The following PLIN5 variants were observed in gnomAD, a reference collection of about 807,000 sequenced individuals.
The protein encoded by PLIN5 is perilipin 5, also known as perilipin-5.
A neutral mutation model predicts 32.8 loss-of-function variants in PLIN5; 34 were observed. The ratio of observed to expected loss-of-function variants is 1.04; its 90% CI spans 0.79 to 1.38. The LOEUF (loss-of-function observed/expected upper bound fraction) is 1.38. PLIN5 is among the 40% of genes most tolerant of loss of function. PLIN5 has a pLI of 0.00. For missense variants in PLIN5, 712 were observed against 660.5 expected (o/e 1.08, Z -0.85); for synonymous variants, 309 against 292.9 (o/e 1.05, Z -0.56).
chr19:4,523,916 C>A lies in PLIN5; in HGVS notation c.1004G>T (p.Cys335Phe). ...ALQTAFADAR[C>F]FRDVPAAALA... ...CGCGGCCGCTGGCACGTCCCTGAAGCAGCGGGCATCAGCGAAGGCGGTCTG... is the reference window on the plus strand; with the variant it reads ...CGCGGCCGCTGGCACGTCCCTGAAGAAGCGGGCATCAGCGAAGGCGGTCTG... Residue 335 changes from cysteine to phenylalanine, a missense_variant, in exon 8 of 8, where the codon TGC becomes TTC. Coordinates refer to ENST00000381848, the MANE Select transcript of PLIN5 (RefSeq NM_001013706.3). This position sits in a 1 kb window ranked among gnomAD's most constrained non-coding sequence, Gnocchi z 5.0. 2.6e-6 allele frequency: 4 copies of A among 1,526,962 alleles called. No homozygotes were observed. Among genetic ancestry groups the A allele is most frequent in the Non-Finnish European group, 3.5e-6 (4 of 1,145,910 alleles). The allele number at this position is 1,526,962 out of a possible 1,614,324, so 94.6% of individuals were successfully genotyped here. A position where few individuals can be genotyped will look rare whatever the true frequency, so the allele number is the denominator to read the frequency against.
intron 5 of PLIN5, among the ~76,000 whole-genome samples, chr19:4,527,299 C>G (rs1976816309): frequency 6.6e-6 from 1 of 151,778 alleles, no homozygotes; most frequent in African/African-American, 2.4e-5. Context: ...GTCTCGATCT[C>G]CTGACCTTGT....
chr19:4,534,334 T>G lies in PLIN5; in HGVS notation c.-21-239A>C, dbSNP rs1976922601. 5.7e-6 allele frequency: 3 copies of G among 523,850 alleles called. No individual in the cohort carries two copies. The East Asian group carries it at 9.2e-5, about 16-fold the overall frequency. The allele number at this position is 523,850 out of a possible 1,614,324, so 32.5% of individuals were successfully genotyped here. On this transcript the variant is annotated intron_variant, in intron 1 of 7. Coordinates refer to ENST00000381848, the MANE Select transcript of PLIN5 (RefSeq NM_001013706.3). ...GTGACTCGAAGCATGGTCTCTGAGG[T>G]GAGAAAGACCTGGGTTCAAATGCTA...
intron 1 of PLIN5, among the ~76,000 whole-genome samples, chr19:4,534,899 C>T (rs1212421018): frequency 6.6e-6 from 1 of 152,230 alleles, no homozygotes; most frequent in Non-Finnish European, 1.5e-5. Flanking sequence ...GGTCACGCAG[C>T]CAGCTAGAGT....
chr19:4,527,856 GA>G (rs1020582321), intron 5 of PLIN5, among the ~76,000 whole-genome samples: 5 of 147,916 alleles, frequency 3.4e-5, no homozygotes, highest in African/African-American at 4.9e-5. Context: ...CAAAAAAAAA[GA>G]AAAAAAAATT....
chr19:4,526,216 T>A (rs1005261473), intron 5 of PLIN5, among the ~76,000 whole-genome samples: 26 of 152,164 alleles, frequency 1.7e-4, no homozygotes, highest in East Asian at 5.8e-4. Context: ...GGTCCCAAAC[T>A]GCTTAACCAT....
In PLIN5 at chr19:4,529,169, C is replaced by A; in HGVS notation, c.424G>T (p.Glu142Ter). 6.2e-7 allele frequency: 1 copy of A among 1,613,266 alleles called. No individual in the cohort carries two copies. The highest frequency in any genetic ancestry group is 8.5e-7 in the Non-Finnish European group (1 of 1,179,976). The change falls in exon 5 of 8, where the codon GAG (glutamate) becomes TAG (stop). Residue 142 changes from glutamate to a stop codon, truncating the protein, a stop_gained. Transcript: ENST00000381848. LOFTEE classifies it high-confidence loss of function. ...LARRGRRWSV[E>*]LKRSVSHAVD... ...GCATGGCTCACGGAGCGCTTCAGCT[C>A]CACGCTCCAGCGCCGGCCCCTCCGG...
rs1387040283 is a variant in PLIN5 at position 4,534,077 on chromosome 19, T to C, written c.-3A>G. Reference sequence around the variant, plus strand: ...TGAGCCGCCTCTTCTTCAGACATCGTGCTGCAAACAGGGTCACCCTGCGGG... The same window carrying C: ...TGAGCCGCCTCTTCTTCAGACATCGCGCTGCAAACAGGGTCACCCTGCGGG... On this transcript the variant is annotated 5_prime_UTR_variant, in exon 2 of 8. Transcript: ENST00000381848. The C allele has an allele frequency of 1.2e-6, 2 of 1,612,246 alleles. No homozygotes were observed. Among genetic ancestry groups the C allele is most frequent in the Non-Finnish European group, 1.7e-6 (2 of 1,179,264 alleles).
chr19:4,529,272 C>T lies in PLIN5; in HGVS notation c.340-19G>A, dbSNP rs772565118. ...TCACCACCTGGAAGGAAGGGCCCCC[C>T]CACTCCAGGCACCGTGGGACTCCAG... On this transcript the variant is annotated intron_variant, in intron 4 of 7. Coordinates refer to ENST00000381848, the MANE Select transcript of PLIN5 (RefSeq NM_001013706.3). 1.1e-5 allele frequency: 17 copies of T among 1,582,872 alleles called. 4 individuals carry two copies. The highest frequency in any genetic ancestry group is 4.6e-5 in the East Asian group (2 of 43,448).
In PLIN5 at chr19:4,531,659, G is replaced by C; in HGVS notation, c.224C>G (p.Ala75Gly). 1 of 1,537,142 alleles carries C rather than the reference G, an allele frequency of 6.5e-7. No homozygotes were observed. The highest frequency in any genetic ancestry group is 8.7e-7 in the Non-Finnish European group (1 of 1,144,882). Residue 75 changes from alanine to glycine, a missense_variant, in exon 3 of 8, where the codon GCC (alanine) becomes GGC (glycine). Coordinates refer to ENST00000381848, the MANE Select transcript of PLIN5 (RefSeq NM_001013706.3). ...CTGCAGGTGCTCGAGCAGCGGCTGGGCGTGGTCCAGGGCACGGGTGGTCAG... is the reference window on the plus strand; with the variant it reads ...CTGCAGGTGCTCGAGCAGCGGCTGGCCGTGGTCCAGGGCACGGGTGGTCAG... ...CGLTTRALDH[A>G]QPLLEHLQPQ...
At chr19:4,529,487 T>C (rs959975446) in intron 4 of PLIN5, 1 of 550,446 alleles carries the variant, frequency 1.8e-6, no homozygotes, top group Non-Finnish European at 3.2e-6. Flanking sequence ...TATATACACA[T>C]ATACACACAT....
intron 3 of PLIN5, among the ~76,000 whole-genome samples, chr19:4,530,548 G>A (rs1976871087): frequency 6.6e-6 from 1 of 152,142 alleles, no homozygotes; most frequent in Non-Finnish European, 1.5e-5. Flanking sequence ...GAGGGGGCCT[G>A]GAGAGACAAA....
Position 4,523,896 on chromosome 19 carries a change from C to T in PLIN5, c.1024G>A (p.Ala342Thr), listed in dbSNP as rs906493399. 2 of 1,516,324 alleles carry T rather than the reference C, an allele frequency of 1.3e-6. No homozygotes were observed. Among genetic ancestry groups the T allele is most frequent in the Non-Finnish European group, 1.8e-6 (2 of 1,142,556 alleles). The allele number at this position is 1,516,324 out of a possible 1,614,324, so 93.9% of individuals were successfully genotyped here. Residue 342 changes from alanine (A) to threonine (T), a missense_variant, in exon 8 of 8, where the codon GCC (alanine) becomes ACC (threonine). Ala to Thr is a moderately conservative substitution (Grantham distance 58). Coordinates refer to ENST00000381848, the MANE Select transcript of PLIN5 (RefSeq NM_001013706.3). This position sits in a 1 kb window ranked among gnomAD's most constrained non-coding sequence, Gnocchi z 5.0. Reference sequence around the variant, plus strand: ...CGACCCCGGCCCTCGGCCAGCGCGGCCGCTGGCACGTCCCTGAAGCAGCGG... The same window carrying T: ...CGACCCCGGCCCTCGGCCAGCGCGGTCGCTGGCACGTCCCTGAAGCAGCGG... ...DARCFRDVPA[A>T]ALAEGRGRVA... is the part of the protein sequence containing the mutation.
At chr19:4,530,020 T>C (rs912745272) in intron 3 of PLIN5, among the ~76,000 whole-genome samples, 154 bp from the exon 4 acceptor site, 1 of 150,476 alleles carries the variant, frequency 6.6e-6, no homozygotes, top group Admixed American at 6.6e-5. Flanking sequence ...AACGGAATGA[T>C]GGAGACGAGA....
Position 4,529,173 on chromosome 19 carries a change from G to T in PLIN5, c.420C>A (p.Ser140Arg). ...GGCTCACGGAGCGCTTCAGCTCCAC[G>T]CTCCAGCGCCGGCCCCTCCGGGCCA... The part of the protein sequence containing the change: ...VDLARRGRRW[S>R]VELKRSVSHA... Residue 140 changes from serine to arginine, a missense_variant, in exon 5 of 8, where the codon AGC (serine) becomes AGA (arginine). Ser to Arg is a moderately radical substitution (Grantham distance 110). Coordinates refer to ENST00000381848, the MANE Select transcript of PLIN5 (RefSeq NM_001013706.3). The T allele has an allele frequency of 6.2e-7, 1 of 1,613,126 alleles. No individual in the cohort carries two copies.
chr19:4,523,570 G>C lies in PLIN5; in HGVS notation c.1350C>G (p.Ser450Arg). 6.3e-7 allele frequency: 1 copy of C among 1,597,812 alleles called. No homozygotes were observed. The highest frequency in any genetic ancestry group is 8.5e-7 in the Non-Finnish European group (1 of 1,171,358). The change falls in exon 8 of 8, where the codon AGC becomes AGG. Residue 450 changes from serine to arginine, a missense_variant. Ser to Arg is a moderately radical substitution (Grantham distance 110, BLOSUM62 -1). Transcript: ENST00000381848. The surrounding 1 kb of genome is among the most constrained non-coding windows in gnomAD (Gnocchi z 5.0). ...DICEQEPETP[S>R]CPVKHTLMPE... ...GCATCAGGGTGTGCTTGACCGGGCA[G>C]CTGGGGGTCTCGGGTTCCTGCTCGC...
At chr19:4,529,042 C>T in intron 5 of PLIN5, 31 bp downstream of exon 5, 9 of 1,602,686 alleles carry the variant, frequency 5.6e-6, no homozygotes, top group Non-Finnish European at 6.8e-6. Flanking sequence ...GGGCAGGACT[C>T]AGGGGTTAGG....
chr19:4,526,376 C>T (rs1976803572), intron 5 of PLIN5, among the ~76,000 whole-genome samples: 1 of 152,142 alleles, frequency 6.6e-6, no homozygotes, highest in African/African-American at 2.4e-5. Flanking sequence ...CGTGCACCAC[C>T]ACACCCGATT....
intron 3 of PLIN5, among the ~76,000 whole-genome samples, chr19:4,531,288 C>T (rs946302292): frequency 2.6e-5 from 4 of 152,044 alleles, no homozygotes; most frequent in Admixed American, 2.6e-4. Flanking sequence ...CATGAGCCAC[C>T]ACACCCAGCC....
In PLIN5 at chr19:4,523,398, G is replaced by A; in HGVS notation, c.*130C>T. 2 of 1,084,832 alleles carry A rather than the reference G, an allele frequency of 1.8e-6. No homozygotes were observed. The highest frequency in any genetic ancestry group is 1.6e-5 in the African/African-American group (1 of 61,214). 67.2% of individuals were successfully genotyped at this position (1,084,832 alleles called of 1,614,324 possible). Reference sequence around the variant, plus strand: ...GTCCAATACCAAAAAGGTGGTCAGAGATCCGGAGTTGGGCCTGATTCCAAA... The same window carrying A: ...GTCCAATACCAAAAAGGTGGTCAGAAATCCGGAGTTGGGCCTGATTCCAAA... On this transcript the variant is annotated 3_prime_UTR_variant, in exon 8 of 8. Transcript: ENST00000381848. This position sits in a 1 kb window ranked among gnomAD's most constrained non-coding sequence, Gnocchi z 5.0.
Sources: allele counts gnomAD v4.1 joint callset (sites outside exome capture counted in the v4.1 genomes callset), GRCh38; gene constraint gnomAD v4.1.1; non-coding constraint Gnocchi (gnomAD v3.1); transcripts MANE v1.5; gene names NCBI Gene and HGNC (gene_info 2026-07-23, HGNC 2026-07-21).